Variants in CEP112 observed in about 807,000 individuals in gnomAD.
CEP112 encodes the protein centrosomal protein of 112 kDa.
Under a neutral mutation model 153.0 loss-of-function variants are expected in CEP112, and 127 were observed. The observed-to-expected ratio is 0.83, with a 90% CI of 0.72 to 0.96. The LOEUF (loss-of-function observed/expected upper bound fraction) is 0.96. CEP112 is among the 40% of genes least tolerant of loss of function. The pLI is 0.00. For missense variants in CEP112, 1,089 were observed against 1,101.2 expected (o/e 0.99, Z 0.16); for synonymous variants, 358 against 374.4 (o/e 0.96, Z 0.51).
chr17:65,897,613 A>G (rs1423992476), intron 20 of CEP112, among the ~76,000 whole-genome samples: 1 of 152,100 alleles, frequency 6.6e-6, no homozygotes, highest in Non-Finnish European at 1.5e-5. Context: ...AGAATTTGCT[A>G]GGCTGTGACT....
intron 4 of CEP112, among the ~76,000 whole-genome samples, chr17:66,166,611 T>G (rs1054497507): frequency 6.6e-6 from 1 of 152,090 alleles, no homozygotes; most frequent in African/African-American, 2.4e-5. Context: ...AAAATATTAG[T>G]TACCAGCCGA....
At chr17:66,168,589 C>A (rs987501335) in intron 4 of CEP112, among the ~76,000 whole-genome samples, 3 of 151,378 alleles carry the variant, frequency 2.0e-5, no homozygotes, top group African/African-American at 4.9e-5. Flanking sequence ...AGATGTTGAA[C>A]CAACTAATAA....
At chr17:65,809,938 G>A (rs1042544895) in intron 21 of CEP112, among the ~76,000 whole-genome samples, 36 of 152,150 alleles carry the variant, frequency 2.4e-4, no homozygotes, top group African/African-American at 8.7e-4. Context: ...AGACCACGAT[G>A]TTCTTCCTAA....
At chr17:66,064,094 A>C (rs1382969987) in intron 10 of CEP112, among the ~76,000 whole-genome samples, 2 of 152,202 alleles carry the variant, frequency 1.3e-5, no homozygotes, top group Admixed American at 1.3e-4. Flanking sequence ...TGAAACCTTG[A>C]GTATTTCTCA....
chr17:66,189,884 T>C (rs995478929), intron 1 of CEP112, among the ~76,000 whole-genome samples: 20 of 151,726 alleles, frequency 1.3e-4, no homozygotes, highest in African/African-American at 4.8e-4. Flanking sequence ...ATACAAAAAT[T>C]AGCCAAGCAT....
At chr17:65,869,298 C>T (rs914398498) in intron 20 of CEP112, among the ~76,000 whole-genome samples, 1 of 152,184 alleles carries the variant, frequency 6.6e-6, no homozygotes, top group African/African-American at 2.4e-5. Context: ...ATCGGAAGTG[C>T]ATGTGTGTTT....
chr17:66,076,442 A>G (rs1655295734), intron 8 of CEP112, among the ~76,000 whole-genome samples: 1 of 151,940 alleles, frequency 6.6e-6, no homozygotes, highest in African/African-American at 2.4e-5. Context: ...GCCTTCCCTC[A>G]CTTCCCTGAC....
intron 18 of CEP112, among the ~76,000 whole-genome samples, chr17:65,949,618 T>C (rs1261736623): frequency 1.3e-5 from 2 of 152,130 alleles, no homozygotes; most frequent in African/African-American, 4.8e-5. Context: ...ACATGAACTC[T>C]TAGATAAAGA....
intron 17 of CEP112, among the ~76,000 whole-genome samples, chr17:65,984,918 C>G (rs2063348220): frequency 6.6e-6 from 1 of 151,920 alleles, no homozygotes. Context: ...GAATGTGTGC[C>G]ACAGAAAATG....
intron 21 of CEP112, chr17:65,826,194 C>A (rs757364012): frequency 6.2e-7 from 1 of 1,614,204 alleles, no homozygotes; most frequent in Non-Finnish European, 8.5e-7. Context: ...AAACTTCCTG[C>A]CTGCTCTGTC....
chr17:65,923,156 TA>T (rs960805749), intron 19 of CEP112, among the ~76,000 whole-genome samples: 1 of 151,980 alleles, frequency 6.6e-6, no homozygotes, highest in African/African-American at 2.4e-5. Context: ...ACCATTTTTT[TA>T]AAAAAAAGAA....
intron 16 of CEP112, 48 bp from the exon 17 acceptor site, chr17:66,005,817 T>G: frequency 6.7e-7 from 1 of 1,502,466 alleles, no homozygotes; most frequent in East Asian, 2.3e-5. Context: ...GAGTAAAGTT[T>G]ACTTCAAAGA....
At chr17:65,820,501 T>C (rs768373377) in intron 21 of CEP112, among the ~76,000 whole-genome samples, 6 of 152,168 alleles carry the variant, frequency 3.9e-5, no homozygotes, top group Non-Finnish European at 8.8e-5. Flanking sequence ...GTTAAATACA[T>C]GTTGACTCAT....
chr17:65,879,372 C>T (rs1291083535), intron 20 of CEP112, among the ~76,000 whole-genome samples: 1 of 152,190 alleles, frequency 6.6e-6, no homozygotes, highest in East Asian at 1.9e-4. Flanking sequence ...CCTGGAACCT[C>T]CAGAAGGAGC....
At chr17:66,121,550 T>C (rs75559607) in intron 6 of CEP112, among the ~76,000 whole-genome samples, 10,497 of 152,282 alleles carry the variant, frequency 0.069, 482 homozygotes, top group South Asian at 0.17. Context: ...GCATTCTTTT[T>C]TCACTCTCTT....
chr17:65,686,017 A>G (rs1416752786), intron 24 of CEP112, among the ~76,000 whole-genome samples: 1 of 152,008 alleles, frequency 6.6e-6, no homozygotes, highest in Non-Finnish European at 1.5e-5. Flanking sequence ...AAAGGGGGAC[A>G]TAGGTCAAAT....
chr17:65,663,937 T>G (rs2143901336), intron 24 of CEP112, among the ~76,000 whole-genome samples: 1 of 152,228 alleles, frequency 6.6e-6, no homozygotes, highest in South Asian at 2.1e-4. Context: ...TCCCAGCTAC[T>G]CGGCAGGCTG....
intron 19 of CEP112, among the ~76,000 whole-genome samples, chr17:65,906,296 A>G (rs1413231084): frequency 6.6e-6 from 1 of 152,066 alleles, no homozygotes; most frequent in Non-Finnish European, 1.5e-5. Flanking sequence ...GAGGGATAGC[A>G]TTAGGAGAAA....
chr17:66,174,289 C>T (rs1227000701), intron 4 of CEP112, among the ~76,000 whole-genome samples: 1 of 152,194 alleles, frequency 6.6e-6, no homozygotes, highest in African/African-American at 2.4e-5. Context: ...ACTACATCAA[C>T]TGTGGAGACA....
Sources: allele counts gnomAD v4.1 joint callset (sites outside exome capture counted in the v4.1 genomes callset), GRCh38; gene constraint gnomAD v4.1.1; transcripts MANE v1.5; gene names NCBI Gene and HGNC (gene_info 2026-07-23, HGNC 2026-07-21).